Variants in STXBP6 observed in about 807,000 individuals in gnomAD.
The protein encoded by STXBP6 is syntaxin binding protein 6.
STXBP6 carries 21 observed loss-of-function variants against 26.9 expected under a neutral mutation model. That is an observed-to-expected ratio of 0.78 (90% CI 0.55 to 1.12). The LOEUF (loss-of-function observed/expected upper bound fraction) is 1.12, where lower values mean the gene tolerates loss of function less well. Ranked by LOEUF, STXBP6 falls within the 50% of genes most tolerant of loss-of-function variation. The probability of loss-of-function intolerance (pLI) is 0.00; values close to 1 mark genes in which losing one functional copy is unlikely to be tolerated. For missense variants in STXBP6, 232 were observed against 257.9 expected (o/e 0.90, Z 0.69); for synonymous variants, 97 against 92.6 (o/e 1.05, Z -0.27).
chr14:25,007,490 T>C (rs1350274970), intron 1 of STXBP6, among the ~76,000 whole-genome samples: 4 of 152,148 alleles, frequency 2.6e-5, no homozygotes, highest in African/African-American at 9.7e-5. Context: ...CCTGACATGG[T>C]TCCCTTACCC....
intron 1 of STXBP6, among the ~76,000 whole-genome samples, chr14:25,012,504 G>T (rs1020156912): frequency 2.6e-5 from 4 of 152,102 alleles, no homozygotes; most frequent in African/African-American, 9.7e-5. Flanking sequence ...TGAGGCAGAG[G>T]AATCACAATC....
intron 2 of STXBP6, among the ~76,000 whole-genome samples, chr14:24,971,108 T>C (rs1283210825): frequency 1.3e-5 from 2 of 152,220 alleles, no homozygotes; most frequent in Non-Finnish European, 2.9e-5. Context: ...AAGATCATCT[T>C]ATTTATCCCA....
intron 1 of STXBP6, among the ~76,000 whole-genome samples, chr14:25,041,271 G>A (rs779967933): frequency 7.9e-5 from 12 of 152,080 alleles, no homozygotes; most frequent in Middle Eastern, 3.4e-3. Flanking sequence ...GCATGTGATC[G>A]TGCCATTCCA....
chr14:24,949,809 C>CTCAGCCAATCACAGTGGCTGAGTT (rs1486731904), intron 2 of STXBP6, among the ~76,000 whole-genome samples: 4 of 152,136 alleles, frequency 2.6e-5, no homozygotes. Context: ...GTAACTGAGC[C>CTCAGCCAATCACAGTGGCTGAGTT]TCAGCCAATC....
Position 24,855,970 on chromosome 14 carries a change from T to G in STXBP6, c.417A>C (p.Pro139=), listed in dbSNP as rs1484447474. Residue 139 remains proline (P), a synonymous_variant, in exon 4 of 6, where the codon CCA becomes CCC. Coordinates refer to ENST00000323944, the MANE Select transcript of STXBP6 (RefSeq NM_001394410.1). ...TTTTGGATTGGCAGTTAATAAACTC[T>G]GGCTTCCTGTCCGTGAGGTACCTCT... is the stretch of plus-strand genomic sequence containing the variant. ...TCQRYLTDRK[P]EFINCQSKIM... is the part of the protein sequence containing the mutation. 6.2e-7 allele frequency: 1 copy of G among 1,606,738 alleles called. No homozygotes were observed. Among genetic ancestry groups the G allele is most frequent in the East Asian group, 2.2e-5 (1 of 44,592 alleles).
intron 2 of STXBP6, among the ~76,000 whole-genome samples, chr14:24,887,210 A>G (rs780893549): frequency 3.9e-5 from 6 of 152,208 alleles, no homozygotes; most frequent in Non-Finnish European, 8.8e-5. Context: ...TATGACTTTT[A>G]TAAAAAGCGG....
At chr14:24,849,275 G>C (rs2069067124) in intron 4 of STXBP6, among the ~76,000 whole-genome samples, 1 of 152,038 alleles carries the variant, frequency 6.6e-6, no homozygotes, top group Non-Finnish European at 1.5e-5. Context: ...GCAATGAGGA[G>C]GATGGAGTGA....
At chr14:25,000,453 C>T (rs1323173497) in intron 1 of STXBP6, among the ~76,000 whole-genome samples, 3 of 150,966 alleles carry the variant, frequency 2.0e-5, no homozygotes, top group African/African-American at 7.3e-5. Flanking sequence ...AAAACAATAC[C>T]CCAAAATGAA....
At chr14:24,834,202 C>T (rs2068544207) in intron 4 of STXBP6, among the ~76,000 whole-genome samples, 1 of 152,032 alleles carries the variant, frequency 6.6e-6, no homozygotes, top group South Asian at 2.1e-4. Flanking sequence ...GCTATGTTGC[C>T]CAGGCTAGTC....
At chr14:24,817,558 A>C (rs184918521) in intron 5 of STXBP6, 7 of 166,754 alleles carry the variant, frequency 4.2e-5, no homozygotes, top group Admixed American at 2.8e-4. Flanking sequence ...CAACAACTTA[A>C]ATGTTTCCCC....
At chr14:25,015,363 T>C (rs968278637) in intron 1 of STXBP6, among the ~76,000 whole-genome samples, 2 of 152,054 alleles carry the variant, frequency 1.3e-5, no homozygotes. Flanking sequence ...ATACCCCCTG[T>C]TCCAGACACA....
intron 2 of STXBP6, among the ~76,000 whole-genome samples, chr14:24,896,398 T>C (rs78365954): frequency 0.03 from 4,632 of 152,252 alleles, 243 homozygotes; most frequent in African/African-American, 0.1. Flanking sequence ...CGCTGTCAGC[T>C]TCCTCCTATT....
intron 1 of STXBP6, among the ~76,000 whole-genome samples, chr14:25,007,469 A>G (rs564284918): frequency 6.6e-6 from 1 of 152,314 alleles, no homozygotes; most frequent in South Asian, 2.1e-4. Context: ...AAGTAGTACA[A>G]GACCCCAGGT....
In STXBP6 at chr14:24,974,538, C is replaced by T. The variant is rs11844071; in HGVS notation, c.154+127G>A. ...CCAGTAAAGAGGAAGACCAGAAAAA[C>T]GGGGAAAAGGAGCAAGACAGTGCAG... On this transcript the variant is annotated intron_variant, in intron 2 of 5. Coordinates refer to ENST00000323944, the MANE Select transcript of STXBP6 (RefSeq NM_001394410.1). 11,905 of 755,764 alleles carry T rather than the reference C, an allele frequency of 0.016. 1,111 individuals carry two copies. The African/African-American group carries it at 0.19, about 12-fold the overall frequency. The allele number at this position is 755,764 out of a possible 1,614,324, so 46.8% of individuals were successfully genotyped here. A position where few individuals can be genotyped will look rare whatever the true frequency, so the allele number is the denominator to read the frequency against.
chr14:24,874,273 T>C (rs1183707458), intron 2 of STXBP6, among the ~76,000 whole-genome samples: 2 of 152,044 alleles, frequency 1.3e-5, no homozygotes, highest in Non-Finnish European at 2.9e-5. Context: ...ACAAGGGAGA[T>C]GAGAGGGATA....
intron 4 of STXBP6, among the ~76,000 whole-genome samples, chr14:24,821,249 A>G (rs2138769343): frequency 6.6e-6 from 1 of 152,324 alleles, no homozygotes; most frequent in Admixed American, 6.5e-5. Context: ...TCCTTAAATC[A>G]AAAGGATTTT....
chr14:24,820,286 G>A lies in STXBP6; in HGVS notation c.452-1092C>T, dbSNP rs1175776098. On this transcript the variant is annotated intron_variant, in intron 4 of 5. Coordinates refer to ENST00000323944, the MANE Select transcript of STXBP6 (RefSeq NM_001394410.1). Reference sequence around the variant, plus strand: ...AGAAACGCAATTTCCACTGGTCTCAGCTGCAAAGGGTTCTTAATTTCTCCT... The same window carrying A: ...AGAAACGCAATTTCCACTGGTCTCAACTGCAAAGGGTTCTTAATTTCTCCT... Among the ~76,000 whole-genome samples, 3 of 152,264 alleles carry A rather than the reference G, an allele frequency of 2.0e-5. No homozygotes were observed. The East Asian group carries it at 5.8e-4, about 29-fold the overall frequency.
At chr14:24,957,694 G>C (rs776609393) in intron 2 of STXBP6, among the ~76,000 whole-genome samples, 4 of 152,142 alleles carry the variant, frequency 2.6e-5, no homozygotes, top group Non-Finnish European at 5.9e-5. Context: ...CCTCACACTA[G>C]CCCTCTAAGA....
intron 1 of STXBP6, among the ~76,000 whole-genome samples, chr14:25,038,410 C>T (rs1421644435): frequency 6.6e-6 from 1 of 152,202 alleles, no homozygotes; most frequent in Non-Finnish European, 1.5e-5. Flanking sequence ...AAAAGACATA[C>T]ACATAAATGT....
Sources: allele counts gnomAD v4.1 joint callset (sites outside exome capture counted in the v4.1 genomes callset), GRCh38; gene constraint gnomAD v4.1.1; transcripts MANE v1.5; gene names NCBI Gene and HGNC (gene_info 2026-07-23, HGNC 2026-07-21).